The following INPP4B variants were observed in gnomAD, a reference collection of about 807,000 sequenced individuals.
INPP4B encodes the protein inositol polyphosphate 4-phosphatase type II.
In INPP4B, 55 loss-of-function variants were observed where a neutral mutation model predicts 122.5. The ratio of observed to expected loss-of-function variants is 0.45; its 90% CI spans 0.36 to 0.56. The LOEUF (loss-of-function observed/expected upper bound fraction) is 0.56. INPP4B is among the 20% of genes least tolerant of loss of function. The pLI, the probability that INPP4B is intolerant of heterozygous loss-of-function variation, is 0.00. For missense variants in INPP4B, 1,000 were observed against 1,097.7 expected (o/e 0.91, Z 1.26); for synonymous variants, 403 against 388.7 (o/e 1.04, Z -0.43).
intron 2 of INPP4B, among the ~76,000 whole-genome samples, chr4:142,541,668 T>A (rs1379327411): frequency 1.3e-5 from 2 of 152,196 alleles, no homozygotes; most frequent in African/African-American, 4.8e-5. Context: ...GCTTTGTTGG[T>A]AGAGAGCGCT....
chr4:142,274,781 A>G (rs550849566), intron 9 of INPP4B, among the ~76,000 whole-genome samples: 5 of 151,904 alleles, frequency 3.3e-5, no homozygotes, highest in Admixed American at 1.3e-4. Flanking sequence ...CTACTTAAGG[A>G]AAAAAACCAT....
intron 2 of INPP4B, among the ~76,000 whole-genome samples, chr4:142,507,623 A>G (rs1254573913): frequency 6.6e-6 from 1 of 152,158 alleles, no homozygotes. Context: ...ATTGTTTAAA[A>G]TGAATCTCAG....
intron 1 of INPP4B, among the ~76,000 whole-genome samples, chr4:142,829,243 C>G (rs574152705): frequency 6.6e-6 from 1 of 152,200 alleles, no homozygotes; most frequent in African/African-American, 2.4e-5. Context: ...TTCCACCATG[C>G]TCTTTGCCAT....
At chr4:142,394,521 T>A (rs1272323453) in intron 7 of INPP4B, among the ~76,000 whole-genome samples, 1 of 152,200 alleles carries the variant, frequency 6.6e-6, no homozygotes. Flanking sequence ...CTAACAAGTG[T>A]GAGGTGATAT....
chr4:142,786,122 C>A (rs989952969), intron 1 of INPP4B, among the ~76,000 whole-genome samples: 24 of 152,156 alleles, frequency 1.6e-4, no homozygotes, highest in Middle Eastern at 3.4e-3. Flanking sequence ...CCATAGGACC[C>A]AAATCTTGAT....
intron 12 of INPP4B, among the ~76,000 whole-genome samples, chr4:142,229,838 T>C (rs1853374943): frequency 6.6e-6 from 1 of 152,170 alleles, no homozygotes; most frequent in South Asian, 2.1e-4. Flanking sequence ...CTGTATATTT[T>C]TGGGGGGATA....
At chr4:142,560,752 T>C (rs949075540) in intron 2 of INPP4B, 12 of 152,346 alleles carry the variant, frequency 7.9e-5, no homozygotes, top group African/African-American at 2.9e-4. Flanking sequence ...CTAGCTGCAC[T>C]GACAGCTGAT....
chr4:142,127,447 A>G (rs1799131044), intron 18 of INPP4B, among the ~76,000 whole-genome samples: 1 of 146,006 alleles, frequency 6.8e-6, no homozygotes, highest in South Asian at 2.3e-4. Context: ...ATTCTTAATT[A>G]TAAATTACAA....
chr4:142,159,680 T>G (rs1042856720), intron 17 of INPP4B, among the ~76,000 whole-genome samples: 18 of 152,102 alleles, frequency 1.2e-4, no homozygotes, highest in African/African-American at 4.1e-4. Context: ...GAATAATTTA[T>G]ATGTATCGAT....
At chr4:142,615,467 T>C (rs1290078363) in intron 2 of INPP4B, among the ~76,000 whole-genome samples, 1 of 152,178 alleles carries the variant, frequency 6.6e-6, no homozygotes, top group African/African-American at 2.4e-5. Context: ...TGTTTTAAGT[T>C]AAGATAAGGA....
chr4:142,146,339 C>T (rs888280892), intron 17 of INPP4B, among the ~76,000 whole-genome samples: 7 of 152,078 alleles, frequency 4.6e-5, no homozygotes, highest in Admixed American at 2.0e-4. Context: ...ATTATGAAAG[C>T]AAACACACAC....
intron 17 of INPP4B, among the ~76,000 whole-genome samples, chr4:142,155,253 T>G (rs336391): frequency 0.55 from 83,619 of 151,974 alleles, 26,916 homozygotes; most frequent in East Asian, 0.72. Context: ...ACAATGGTTT[T>G]AAATCACATC....
At position 142,368,877 on chromosome 4, in the gene INPP4B, TC is replaced by T. The variant is rs140955810; in HGVS notation, c.372+34060del. On this transcript the variant is annotated intron_variant, in intron 7 of 25. Transcript: ENST00000262992. ...CAAGCCCTTGGGGGAAACACAGGAT[TC>T]CAAGTGAGTGTGGGAGAGTAAAAGG... Among the ~76,000 whole-genome samples, 370 of 152,094 alleles carry T rather than the reference TC, an allele frequency of 2.4e-3. 2 individuals are homozygous for T. The highest frequency in any genetic ancestry group is 8.5e-3 in the African/African-American group (353 of 41,488).
chr4:142,033,130 A>G (rs1741439533), intron 25 of INPP4B, among the ~76,000 whole-genome samples: 1 of 152,178 alleles, frequency 6.6e-6, no homozygotes, highest in South Asian at 2.1e-4. Context: ...GTGGGTCTCC[A>G]AGGAGGCTTT....
At chr4:142,508,193 C>G (rs555187500) in intron 2 of INPP4B, among the ~76,000 whole-genome samples, 298 of 152,262 alleles carry the variant, frequency 2.0e-3, no homozygotes, top group African/African-American at 6.9e-3. Context: ...GTAATAAACA[C>G]AGATGGCCTA....
intron 1 of INPP4B, among the ~76,000 whole-genome samples, chr4:142,780,998 C>A (rs1195658566): frequency 3.9e-5 from 6 of 152,070 alleles, no homozygotes; most frequent in African/African-American, 1.4e-4. Flanking sequence ...TTAGAGAAAT[C>A]AATCTCATAA....
chr4:142,326,849 A>G (rs1334888843), intron 7 of INPP4B, among the ~76,000 whole-genome samples: 2 of 152,082 alleles, frequency 1.3e-5, no homozygotes, highest in African/African-American at 4.8e-5. Flanking sequence ...TCTGTGTTGC[A>G]TTATTATTGC....
At chr4:142,507,684 T>C (rs1381762201) in intron 2 of INPP4B, among the ~76,000 whole-genome samples, 1 of 152,136 alleles carries the variant, frequency 6.6e-6, no homozygotes, top group Non-Finnish European at 1.5e-5. Context: ...AGCTTGAACT[T>C]GGAGTTAGCA....
intron 3 of INPP4B, among the ~76,000 whole-genome samples, chr4:142,431,775 G>T (rs1254832566): frequency 6.6e-6 from 1 of 152,016 alleles, no homozygotes; most frequent in Non-Finnish European, 1.5e-5. Flanking sequence ...CTTTCCATTA[G>T]AATTGCCCTT....
Sources: allele counts gnomAD v4.1 joint callset (sites outside exome capture counted in the v4.1 genomes callset), GRCh38; gene constraint gnomAD v4.1.1; transcripts MANE v1.5; gene names NCBI Gene and HGNC (gene_info 2026-07-23, HGNC 2026-07-21).